DYNC1H1: variants seen among roughly 807,000 people sequenced by gnomAD.
DYNC1H1 encodes cytoplasmic dynein 1 heavy chain 1.
DYNC1H1 carries 51 observed loss-of-function variants against 527.1 expected under a neutral mutation model. The ratio of observed to expected loss-of-function variants is 0.10; its 90% CI spans 0.08 to 0.12. The LOEUF (loss-of-function observed/expected upper bound fraction) is 0.12, where lower values mean the gene tolerates loss of function less well. DYNC1H1 is among the 10% of genes least tolerant of loss of function. The probability of loss-of-function intolerance (pLI) is 1.00; values close to 1 mark genes in which losing one functional copy is unlikely to be tolerated. For synonymous variants in DYNC1H1, 2,189 were observed against 2,278.8 expected (o/e 0.96, Z 1.12); for missense variants, 2,771 against 5,971.8 (o/e 0.46, Z 17.66).
chr14:102,050,696 C>A lies in DYNC1H1; in HGVS notation c.*133C>A. On this transcript the variant is annotated 3_prime_UTR_variant, in exon 78 of 78. Transcript: ENST00000360184. ...GAGGTTGGAGGAAGCTGAATGGAAT[C>A]TGACGGTTGGGAGTGGTGGAAATTG... The A allele has an allele frequency of 1.4e-6, 2 of 1,438,228 alleles. No homozygotes were observed. The highest frequency in any genetic ancestry group is 1.4e-5 in the African/African-American group (1 of 70,934). The allele number at this position is 1,438,228 out of a possible 1,614,324, so 89.1% of individuals were successfully genotyped here. A position where few individuals can be genotyped will look rare whatever the true frequency, so the allele number is the denominator to read the frequency against.
chr14:102,027,720 C>A lies in DYNC1H1; in HGVS notation c.9150C>A (p.Leu3050=). The change falls in exon 47 of 78, where the codon CTC becomes CTA. Residue 3050 remains leucine (L), a synonymous_variant. Coordinates refer to ENST00000360184, the MANE Select transcript of DYNC1H1 (RefSeq NM_001376.5). This position sits in a 1 kb window ranked among gnomAD's most constrained non-coding sequence, Gnocchi z 7.7. Reference sequence around the variant, plus strand: ...TGATGCTGGACTCGCACGAGGAGCTCTACAAGTGGTTCACTAGCCAGGTTA... The same window carrying A: ...TGATGCTGGACTCGCACGAGGAGCTATACAAGTGGTTCACTAGCCAGGTTA... ...EGLMLDSHEE[L]YKWFTSQVIR... The A allele has an allele frequency of 6.2e-7, 1 of 1,614,154 alleles. No individual in the cohort carries two copies.
chr14:101,994,555 A>G, intron 12 of DYNC1H1, 118 bp from the exon 13 acceptor site: 1 of 1,421,524 alleles, frequency 7.0e-7, no homozygotes, highest in Non-Finnish European at 9.6e-7. Context: ...TGAAGTGAGA[A>G]TTTCTCTAAT....
At position 102,001,269 on chromosome 14, in the gene DYNC1H1, T is replaced by C. The variant is rs1305638906; in HGVS notation, c.4310T>C (p.Val1437Ala). ...SELTLGQIWD[V>A]DLQKNEAIVK... ...CTAACCCTTGGCCAAATCTGGGATG[T>C]TGACTTGCAGAAAAATGAAGCGATT... Residue 1437 changes from valine (V) to alanine (A), a missense_variant, in exon 20 of 78, where the codon GTT (valine) becomes GCT (alanine). Val to Ala is a moderately conservative substitution (Grantham distance 64, BLOSUM62 0). Transcript: ENST00000360184. The surrounding 1 kb of genome is among the most constrained non-coding windows in gnomAD (Gnocchi z 5.0). 5.6e-6 allele frequency: 9 copies of C among 1,614,220 alleles called. No homozygotes were observed. Among genetic ancestry groups the C allele is most frequent in the East Asian group, 2.2e-5 (1 of 44,888 alleles).
intron 18 of DYNC1H1, 188 bp from the exon 19 acceptor site, chr14:102,000,766 G>T: frequency 3.4e-6 from 2 of 588,176 alleles, no homozygotes; most frequent in Admixed American, 4.9e-5. Context: ...TAGAGACAGG[G>T]TTTCTCCATA....
At chr14:101,971,618 A>G (rs1019501126) in intron 1 of DYNC1H1, among the ~76,000 whole-genome samples, 3 of 152,024 alleles carry the variant, frequency 2.0e-5, no homozygotes, top group Admixed American at 6.6e-5. Context: ...CCAGCTACTC[A>G]GGAGGCTGAG....
chr14:101,980,976 C>T (rs781175170), intron 5 of DYNC1H1, among the ~76,000 whole-genome samples: 6 of 152,190 alleles, frequency 3.9e-5, no homozygotes, highest in Non-Finnish European at 7.3e-5. Context: ...ACTTTCTCTT[C>T]CTCTTTTTAC....
At position 101,987,095 on chromosome 14, in the gene DYNC1H1, G is replaced by A. The variant is rs1231114769; in HGVS notation, c.2538+332G>A. ...CTCAGCCACGAAGGCCTTACCCAGA[G>A]CCTGCGGCTGCCAGCGGACCAGATG... On this transcript the variant is annotated intron_variant, in intron 8 of 77. Coordinates refer to ENST00000360184, the MANE Select transcript of DYNC1H1 (RefSeq NM_001376.5). Among the ~76,000 whole-genome samples, 4 of 152,238 alleles carry A rather than the reference G, an allele frequency of 2.6e-5. No individual in the cohort carries two copies. In the South Asian group the frequency reaches 6.2e-4, roughly 24 times the overall value.
rs755453456 is a variant in DYNC1H1, at chr14:102,029,791, G to A, written c.9643-28G>A. 17 of 1,614,056 alleles carry A rather than the reference G, an allele frequency of 1.1e-5. No individual in the cohort carries two copies. The highest frequency in any genetic ancestry group is 8.9e-5 in the East Asian group (4 of 44,894). On this transcript the variant is annotated intron_variant, in intron 49 of 77. Coordinates refer to ENST00000360184, the MANE Select transcript of DYNC1H1 (RefSeq NM_001376.5). The surrounding 1 kb of genome is among the most constrained non-coding windows in gnomAD (Gnocchi z 5.3). ...TCCATATAATTTCTGCATGTTTCTC[G>A]TCTCTGAGTGTGGGCTTTGCTCTTT...
intron 1 of DYNC1H1, among the ~76,000 whole-genome samples, chr14:101,968,202 C>G (rs1359107590): frequency 2.0e-5 from 3 of 152,182 alleles, no homozygotes; most frequent in Admixed American, 2.0e-4. Flanking sequence ...TGTTCATGAC[C>G]TGCCTGGGAT....
rs1275296644 is a variant in DYNC1H1 at position 102,039,351 on chromosome 14, C to T, written c.11461-61C>T. 2.5e-5 allele frequency: 40 copies of T among 1,611,178 alleles called. No homozygotes were observed. Among genetic ancestry groups the T allele is most frequent in the Non-Finnish European group, 2.8e-5 (33 of 1,177,866 alleles). ...GCCCTGCACAGTAGCTCCTTGGCCA[C>T]GCAGAAGTTCAGCGGGGTGCCGAGG... On this transcript the variant is annotated intron_variant, in intron 60 of 77. Transcript: ENST00000360184. This position sits in a 1 kb window ranked among gnomAD's most constrained non-coding sequence, Gnocchi z 7.0.
chr14:101,990,832 A>G (rs2047989042), intron 10 of DYNC1H1, among the ~76,000 whole-genome samples: 1 of 152,014 alleles, frequency 6.6e-6, no homozygotes. Context: ...AACATGGTGA[A>G]ACCCCATCTC....
At chr14:101,998,268 A>G (rs1480314609) in intron 16 of DYNC1H1, among the ~76,000 whole-genome samples, 2 of 148,168 alleles carry the variant, frequency 1.3e-5, no homozygotes, top group Non-Finnish European at 1.5e-5. Flanking sequence ...TCTCCCCTCT[A>G]TAAACGCTGA....
chr14:102,004,350 T>G (rs2048172073), intron 23 of DYNC1H1, among the ~76,000 whole-genome samples, 168 bp from the exon 24 acceptor site: 1 of 152,224 alleles, frequency 6.6e-6, no homozygotes, highest in Admixed American at 6.5e-5. Context: ...GGTAAGTGTG[T>G]ATCTTTTGCC....
Position 101,988,845 on chromosome 14 carries a change from A to G in DYNC1H1, c.2861A>G (p.Lys954Arg). Reference protein sequence around the residue: ...QVSHKPGGEPKIKNVVHELRI... With the variant: ...QVSHKPGGEPRIKNVVHELRI... ...AGTCACAAGCCTGGTGGAGAGCCAA[A>G]GATCAAAGTGAGTGCTTCTGTGGCA... is the stretch of plus-strand genomic sequence containing the variant. The change falls in exon 10 of 78, where the codon AAG becomes AGG. Residue 954 changes from lysine to arginine, a missense_variant. Lys to Arg is a conservative substitution (Grantham distance 26). Around this residue, in one of 32 missense-constraint regions of DYNC1H1, gnomAD observed 179 missense variants for 349.4 expected, o/e 0.51. Coordinates refer to ENST00000360184, the MANE Select transcript of DYNC1H1 (RefSeq NM_001376.5). 6.2e-7 allele frequency: 1 copy of G among 1,614,192 alleles called. No individual in the cohort carries two copies. Among genetic ancestry groups the G allele is most frequent in the Non-Finnish European group, 8.5e-7 (1 of 1,180,026 alleles).
intron 11 of DYNC1H1, among the ~76,000 whole-genome samples, chr14:101,993,896 A>G (rs561969889): frequency 1.3e-5 from 2 of 152,376 alleles, no homozygotes; most frequent in African/African-American, 4.8e-5. Flanking sequence ...TGCCTGGCAC[A>G]TAACAGGCAC....
Position 102,029,752 on chromosome 14 carries a change from A to C in DYNC1H1, c.9642+40A>C, listed in dbSNP as rs1439436527. ...CAAATTCCTCACGGGAGTGAGCTGC[A>C]GTGAGGACCCCTTTCCATATAATTT... is the stretch of plus-strand genomic sequence containing the variant. On this transcript the variant is annotated intron_variant, in intron 49 of 77. Transcript: ENST00000360184. The surrounding 1 kb of genome is among the most constrained non-coding windows in gnomAD (Gnocchi z 5.3). 6.2e-7 allele frequency: 1 copy of C among 1,614,194 alleles called. No homozygotes were observed. Among genetic ancestry groups the C allele is most frequent in the Admixed American group, 1.7e-5 (1 of 60,022 alleles).
intron 10 of DYNC1H1, among the ~76,000 whole-genome samples, chr14:101,989,555 T>C (rs1403704830): frequency 6.6e-6 from 1 of 152,230 alleles, no homozygotes; most frequent in African/African-American, 2.4e-5. Flanking sequence ...CAGTAAGTGT[T>C]TATAGTATTT....
In DYNC1H1 at chr14:101,985,785, T is replaced by A; in HGVS notation, c.1560T>A (p.Ile520=). The A allele has an allele frequency of 6.2e-7, 1 of 1,614,098 alleles. No homozygotes were observed. Among genetic ancestry groups the A allele is most frequent in the East Asian group, 2.2e-5 (1 of 44,866 alleles). The change falls in exon 8 of 78, where the codon ATT becomes ATA. Residue 520 remains isoleucine, a synonymous_variant. Coordinates refer to ENST00000360184, the MANE Select transcript of DYNC1H1 (RefSeq NM_001376.5). The surrounding 1 kb of genome is among the most constrained non-coding windows in gnomAD (Gnocchi z 5.9). ...VLFDAADANA[I]EEVNLAYENV... The stretch of plus-strand genomic sequence containing the variant: ...TTGATGCTGCAGATGCAAATGCCAT[T>A]GAGGAAGTAAACCTTGCTTATGAGA...
intron 77 of DYNC1H1, 42 bp from the exon 78 acceptor site, chr14:102,050,393 A>T (rs748403497): frequency 2.4e-5 from 39 of 1,614,086 alleles, no homozygotes; most frequent in Non-Finnish European, 3.1e-5. Context: ...CAGTTTTCTT[A>T]CTTTTCCCTT....
Sources: allele counts gnomAD v4.1 joint callset (sites outside exome capture counted in the v4.1 genomes callset), GRCh38; gene constraint gnomAD v4.1.1; regional missense constraint gnomAD v4.1.1; non-coding constraint Gnocchi (gnomAD v3.1); transcripts MANE v1.5; gene names NCBI Gene and HGNC (gene_info 2026-07-23, HGNC 2026-07-21).